KMT2E: variants seen among roughly 807,000 people sequenced by gnomAD.
KMT2E encodes lysine methyltransferase 2E (inactive), also known as histone reader KMT2E.
Under a neutral mutation model 184.6 loss-of-function variants are expected in KMT2E, and 30 were observed. That is an observed-to-expected ratio of 0.16 (90% CI 0.12 to 0.22). The LOEUF is 0.22. Among genes scored for constraint, KMT2E ranks in the 10% least tolerant of loss-of-function variants. The pLI, the probability that KMT2E is intolerant of heterozygous loss-of-function variation, is 1.00. For missense variants in KMT2E, 2,023 were observed against 2,237.4 expected (o/e 0.90, Z 1.93); for synonymous variants, 815 against 776.5 (o/e 1.05, Z -0.82).
intron 3 of KMT2E, among the ~76,000 whole-genome samples, chr7:105,050,661 T>C (rs1012898484): frequency 1.3e-5 from 2 of 151,534 alleles, no homozygotes; most frequent in Non-Finnish European, 2.9e-5. Context: ...TTTCTTTCTT[T>C]CTTTTTTCTT....
At position 105,112,793 on chromosome 7, in the gene KMT2E, A is replaced by ACCCC; in HGVS notation, c.5039_5042dup (p.Pro1683ThrfsTer187). On this transcript the variant is annotated frameshift_variant, in exon 27 of 27. Coordinates refer to ENST00000311117, the MANE Select transcript of KMT2E (RefSeq NM_182931.3). LOFTEE classifies it high-confidence loss of function. ...AAACTGCTGGACACCACTTACCCCC[A>ACCCC]CCCCCACCCCCTCCTGGTCCTGCCC... 2 of 470,478 alleles carry ACCCC rather than the reference A, an allele frequency of 4.3e-6. No homozygotes were observed. Among genetic ancestry groups the ACCCC allele is most frequent in the South Asian group, 3.1e-5 (1 of 32,372 alleles). 29.1% of individuals were successfully genotyped at this position (470,478 alleles called of 1,614,324 possible).
At chr7:105,054,859 A>G (rs1190117818) in intron 3 of KMT2E, among the ~76,000 whole-genome samples, 1 of 152,156 alleles carries the variant, frequency 6.6e-6, no homozygotes, top group Non-Finnish European at 1.5e-5. Flanking sequence ...TAAAAAAGTT[A>G]CCACTTTGGA....
chr7:105,051,295 C>T (rs981202528), intron 3 of KMT2E, among the ~76,000 whole-genome samples: 3 of 152,044 alleles, frequency 2.0e-5, no homozygotes, highest in African/African-American at 7.2e-5. Context: ...AAGCGATTCT[C>T]CTGCCTCAGC....
At chr7:105,041,651 G>A (rs1430023906) in intron 3 of KMT2E, among the ~76,000 whole-genome samples, 7 of 152,050 alleles carry the variant, frequency 4.6e-5, no homozygotes, top group African/African-American at 4.8e-5. Flanking sequence ...CACTCTCCTC[G>A]GACTCCCAAA....
intron 16 of KMT2E, 24 bp from the exon 17 acceptor site, chr7:105,101,862 C>G (rs1344936167): frequency 6.4e-7 from 1 of 1,558,642 alleles, no homozygotes; most frequent in Middle Eastern, 1.7e-4. Flanking sequence ...ATAAAAACTT[C>G]CATTCGCTTG....
Position 105,062,159 on chromosome 7 carries a change from C to T in KMT2E, c.72-5C>T. On this transcript the variant is annotated splice_region_variant and splice_polypyrimidine_tract_variant and intron_variant, in intron 3 of 26. Coordinates refer to ENST00000311117, the MANE Select transcript of KMT2E (RefSeq NM_182931.3). ...ATTCTCTTTGATGCAACTTTTTCCC[C>T]CCAGACCAGAATCCGTAGAAGCTAG... The T allele has an allele frequency of 6.3e-7, 1 of 1,594,012 alleles. No individual in the cohort carries two copies. The highest frequency in any genetic ancestry group is 1.3e-5 in the African/African-American group (1 of 74,480).
rs111469455 is a variant in KMT2E, at chr7:105,068,907, C to T, written c.497+2100C>T. Among the ~76,000 whole-genome samples the T allele has an allele frequency of 3.0e-3, 450 of 152,278 alleles. 1 individual carries two copies. The highest frequency in any genetic ancestry group is 0.01 in the African/African-American group (435 of 41,544). On this transcript the variant is annotated intron_variant, in intron 6 of 26. Transcript: ENST00000311117. ...GAAAAATTAAGTATCATTGTGACCT[C>T]ATGGATTTAAACCATAGTGGATGTC... is the stretch of plus-strand genomic sequence containing the variant.
At position 105,060,593 on chromosome 7, in the gene KMT2E, G is replaced by GT. The variant is rs557491899; in HGVS notation, c.72-1559dup. On this transcript the variant is annotated intron_variant, in intron 3 of 26. Coordinates refer to ENST00000311117, the MANE Select transcript of KMT2E (RefSeq NM_182931.3). Reference sequence around the variant, plus strand: ...AGACGTGTGCCAACACGCTTGGCTAGTTTTTTTTTTTTATTTTTAATGTCT... The same window carrying GT: ...AGACGTGTGCCAACACGCTTGGCTAGTTTTTTTTTTTTTATTTTTAATGTCT... Among the ~76,000 whole-genome samples the GT allele has an allele frequency of 6.4e-3, 923 of 145,046 alleles. 16 individuals are homozygous for GT. The highest frequency in any genetic ancestry group is 0.063 in the East Asian group (315 of 4,982).
rs779320779 is a variant in KMT2E at position 105,112,779 on chromosome 7, C to A, written c.5023C>A (p.His1675Asn). The A allele has an allele frequency of 5.0e-6, 8 of 1,612,370 alleles. No individual in the cohort carries two copies. Among genetic ancestry groups the A allele is most frequent in the Non-Finnish European group, 6.8e-6 (8 of 1,179,538 alleles). ...GSHIHSQTAG[H>N]HLPPPPPPPG... is the part of the protein sequence containing the mutation. The stretch of plus-strand genomic sequence containing the variant: ...GCATATTCATTCTCAAACTGCTGGA[C>A]ACCACTTACCCCCACCCCCACCCCC... The change falls in exon 27 of 27, where the codon CAC (histidine) becomes AAC (asparagine). Residue 1675 changes from histidine to asparagine, a missense_variant. By Grantham distance (68) the His-to-Asn change is moderately conservative. Coordinates refer to ENST00000311117, the MANE Select transcript of KMT2E (RefSeq NM_182931.3).
Position 105,110,833 on chromosome 7 carries a change from C to G in KMT2E, c.4033C>G (p.Gln1345Glu). ...TGAATGTCCATCCCCAGATACTTCT[C>G]AAAATACTTGTAAAAGTCCTCCAAA... ...TNECPSPDTS[Q>E]NTCKSPPKMS... The change falls in exon 26 of 27, where the codon CAA becomes GAA. Residue 1345 changes from glutamine to glutamate, a missense_variant. Transcript: ENST00000311117. 1 of 1,613,968 alleles carries G rather than the reference C, an allele frequency of 6.2e-7. No individual in the cohort carries two copies. Among genetic ancestry groups the G allele is most frequent in the Non-Finnish European group, 8.5e-7 (1 of 1,179,868 alleles).
Position 105,040,839 on chromosome 7 carries a change from G to C in KMT2E, c.-114G>C, listed in dbSNP as rs1795847535. 1 of 603,264 alleles carries C rather than the reference G, an allele frequency of 1.7e-6. No homozygotes were observed. The highest frequency in any genetic ancestry group is 2.7e-5 in the East Asian group (1 of 37,026). The allele number at this position is 603,264 out of a possible 1,614,324, so 37.4% of individuals were successfully genotyped here. On this transcript the variant is annotated splice_region_variant and 5_prime_UTR_variant, in exon 3 of 27. Coordinates refer to ENST00000311117, the MANE Select transcript of KMT2E (RefSeq NM_182931.3). ...TTTTGTCTCCTTTTCTTTTAAACAG[G>C]GTTTGTGGATGCACTTAGATGTTTG...
At chr7:105,111,021 CTACTGTTTGTTCTTCT>C in intron 26 of KMT2E, 153 bp downstream of exon 26, 1 of 616,700 alleles carries the variant, frequency 1.6e-6, no homozygotes, top group East Asian at 2.8e-5. Flanking sequence ...ATTGTGTTTA[CTACTGTTTGTTCTTCT>C]TACTGAACAT....
At chr7:105,077,566 G>GT (rs539061404) in intron 11 of KMT2E, 133 bp downstream of exon 11, 254 of 654,986 alleles carry the variant, frequency 3.9e-4, no homozygotes, top group Non-Finnish European at 6.0e-4. Context: ...CTGTAGTGTG[G>GT]TTGAACAGTG....
At chr7:105,078,759 C>T (rs527638660) in intron 11 of KMT2E, 87 bp from the exon 12 acceptor site, 39 of 571,598 alleles carry the variant, frequency 6.8e-5, no homozygotes, top group African/African-American at 3.5e-4. Context: ...CCACCTGCCT[C>T]GGCCTCCCAA....
At chr7:105,087,028 TA>T (rs1469415004) in intron 13 of KMT2E, among the ~76,000 whole-genome samples, 1 of 146,732 alleles carries the variant, frequency 6.8e-6, no homozygotes, top group Non-Finnish European at 1.5e-5. Context: ...GCATATAATA[TA>T]ATATATGGCA....
intron 1 of KMT2E, among the ~76,000 whole-genome samples, chr7:105,022,547 T>C (rs1469783557): frequency 6.6e-6 from 1 of 152,222 alleles, no homozygotes; most frequent in Non-Finnish European, 1.5e-5. Context: ...GTAGTTTCTC[T>C]ATTGTATAGT....
At chr7:105,048,234 A>T (rs1796187344) in intron 3 of KMT2E, among the ~76,000 whole-genome samples, 1 of 152,104 alleles carries the variant, frequency 6.6e-6, no homozygotes. Context: ...ATAGGGTTTC[A>T]TCATGTTGTC....
chr7:105,059,319 A>G (rs1796697659), intron 3 of KMT2E, among the ~76,000 whole-genome samples: 1 of 152,212 alleles, frequency 6.6e-6, no homozygotes, highest in Non-Finnish European at 1.5e-5. Context: ...CTCTGGCCAC[A>G]GTTCCTGCAT....
intron 1 of KMT2E, among the ~76,000 whole-genome samples, chr7:105,021,764 A>G (rs1218687811): frequency 6.6e-6 from 1 of 152,172 alleles, no homozygotes; most frequent in Non-Finnish European, 1.5e-5. Flanking sequence ...GGAATGTTCA[A>G]AGGTACTTGG....
Sources: gnomAD v4.1 joint callset for allele counts (sites outside exome capture counted in the v4.1 genomes callset) on GRCh38, gnomAD v4.1.1 for gene constraint, MANE v1.5 for transcripts, NCBI Gene and HGNC (gene_info 2026-07-23, HGNC 2026-07-21) for gene names.